The following TRAIP variants were observed in gnomAD, a reference collection of about 807,000 sequenced individuals.
The protein encoded by TRAIP is TRAF interacting protein.
In TRAIP, 37 loss-of-function variants were observed where a neutral mutation model predicts 65.0. The observed-to-expected ratio is 0.57, with a 90% CI of 0.44 to 0.75. The LOEUF (loss-of-function observed/expected upper bound fraction) is 0.75, where lower values mean the gene tolerates loss of function less well. Among genes scored for constraint, TRAIP ranks in the 30% least tolerant of loss-of-function variants. TRAIP has a pLI of 0.00. For missense variants in TRAIP, 481 were observed against 579.4 expected, an observed-to-expected ratio of 0.83 and a Z score of 1.74; for synonymous variants, 187 against 219.1, an observed-to-expected ratio of 0.85 and a Z score of 1.29.
At chr3:49,829,798 G>A (rs2081716594) in intron 12 of TRAIP, 32 bp from the exon 13 acceptor site, 1 of 1,612,756 alleles carries the variant, frequency 6.2e-7, no homozygotes, top group Non-Finnish European at 8.5e-7. Flanking sequence ...CAGACTTGAT[G>A]AGCTGGATGT....
chr3:49,848,803 T>C (rs1326478805), intron 1 of TRAIP, among the ~76,000 whole-genome samples: 1 of 152,098 alleles, frequency 6.6e-6, no homozygotes, highest in Non-Finnish European at 1.5e-5. Context: ...TGCATCAAAA[T>C]ATCTCATAAA....
chr3:49,828,833 T>A lies in TRAIP; in HGVS notation c.*270A>T, dbSNP rs139463863. Reference sequence around the variant, plus strand: ...CCAGAAAGAGTCTGACCACATCTGATCATGGCTATAAACAGGAGCCTGGCA... The same window carrying A: ...CCAGAAAGAGTCTGACCACATCTGAACATGGCTATAAACAGGAGCCTGGCA... On this transcript the variant is annotated 3_prime_UTR_variant, in exon 15 of 15. Transcript: ENST00000331456. 7.8e-4 allele frequency: 344 copies of A among 440,328 alleles called. 1 individual carries two copies. The East Asian group carries it at 0.014, about 18-fold the overall frequency. The allele number at this position is 440,328 out of a possible 1,614,324, so 27.3% of individuals were successfully genotyped here. A position where few individuals can be genotyped will look rare whatever the true frequency, so the allele number is the denominator to read the frequency against.
At chr3:49,829,581 G>C in intron 13 of TRAIP, 36 bp downstream of exon 13, 1 of 1,614,150 alleles carries the variant, frequency 6.2e-7, no homozygotes, top group Non-Finnish European at 8.5e-7. Context: ...CTACCCAAGA[G>C]GGCTGGCTCC....
chr3:49,842,329 A>T, intron 6 of TRAIP, 124 bp downstream of exon 6: 2 of 925,416 alleles, frequency 2.2e-6, no homozygotes, highest in Non-Finnish European at 3.4e-6. Context: ...TGAGCCCTCC[A>T]TGGCCTATGG....
chr3:49,836,859 A>G (rs934750200), intron 10 of TRAIP, among the ~76,000 whole-genome samples: 1 of 152,066 alleles, frequency 6.6e-6, no homozygotes, highest in Admixed American at 6.6e-5. Flanking sequence ...AGATTTCCAA[A>G]GTGGTTGCTT....
chr3:49,829,758 C>G lies in TRAIP; in HGVS notation c.1095G>C (p.Gln365His), dbSNP rs1559444277. Residue 365 changes from glutamine (Q) to histidine (H), a missense_variant, in exon 13 of 15, where the codon CAG (glutamine) becomes CAC (histidine). Physicochemically the swap from Gln to His is conservative, Grantham distance 24. Coordinates refer to ENST00000331456, the MANE Select transcript of TRAIP (RefSeq NM_005879.3). ...CACAGCTCTGGCCACCCAGTGAGAG[C>G]TGGGACTCCTGCAGGGAAGACCCCA... ...KICKGPRKES[Q>H]LSLGGQSCAG... The G allele has an allele frequency of 1.2e-6, 2 of 1,614,094 alleles. No homozygotes were observed. Among genetic ancestry groups the G allele is most frequent in the Non-Finnish European group, 1.7e-6 (2 of 1,179,976 alleles).
chr3:49,839,987 A>T (rs2081824811), intron 9 of TRAIP, 127 bp from the exon 10 acceptor site: 1 of 961,742 alleles, frequency 1.0e-6, no homozygotes, highest in African/African-American at 1.6e-5. Context: ...CTGATACCTC[A>T]TCATTAGGCT....
chr3:49,845,145 C>G (rs9809553), intron 3 of TRAIP, among the ~76,000 whole-genome samples: 1,577 of 152,288 alleles, frequency 0.01, 29 homozygotes, highest in African/African-American at 0.036. Context: ...CTGGATGAAA[C>G]CTCCCATGTG....
chr3:49,854,529 T>C lies in TRAIP; in HGVS notation c.98+1827A>G, dbSNP rs142259589. ...TAACCACTTATAAATGGAAATGGGG[T>C]ATATAACGACCCAACTAACTGAGGG... On this transcript the variant is annotated intron_variant, in intron 1 of 14. Coordinates refer to ENST00000331456, the MANE Select transcript of TRAIP (RefSeq NM_005879.3). Among the ~76,000 whole-genome samples, 93 of 152,076 alleles carry C rather than the reference T, an allele frequency of 6.1e-4. 2 individuals carry two copies. The East Asian group carries it at 0.014, about 22-fold the overall frequency.
chr3:49,850,561 A>G (rs2081921612), intron 1 of TRAIP, among the ~76,000 whole-genome samples: 1 of 151,754 alleles, frequency 6.6e-6, no homozygotes, highest in Non-Finnish European at 1.5e-5. Context: ...AGCTATCTTA[A>G]TATGGGGAGG....
rs866819193 is a variant in TRAIP, at chr3:49,847,678, A to G, written c.157-70T>C. The G allele has an allele frequency of 9.1e-6, 10 of 1,103,242 alleles. No homozygotes were observed. The Middle Eastern group carries it at 6.1e-4, about 67-fold the overall frequency. 68.3% of individuals were successfully genotyped at this position (1,103,242 alleles called of 1,614,324 possible). ...ATGCGCAAGGAGGAGAGTGTTGTAC[A>G]TGGGTCTGACTACCTGCCTGACATG... On this transcript the variant is annotated intron_variant, in intron 2 of 14. Coordinates refer to ENST00000331456, the MANE Select transcript of TRAIP (RefSeq NM_005879.3).
intron 10 of TRAIP, 44 bp from the exon 11 acceptor site, chr3:49,832,112 C>T: frequency 1.3e-6 from 2 of 1,510,774 alleles, no homozygotes; most frequent in Non-Finnish European, 1.8e-6. Context: ...ACAGTGGTAA[C>T]CCAGGACAAC....
At chr3:49,850,978 T>G (rs1024242822) in intron 1 of TRAIP, among the ~76,000 whole-genome samples, 1 of 151,730 alleles carries the variant, frequency 6.6e-6, no homozygotes, top group African/African-American at 2.4e-5. Context: ...TTCTTTTTTT[T>G]TTTTGGTGGG....
In TRAIP at chr3:49,831,945, G is replaced by A. The variant is rs1489171133; in HGVS notation, c.1008C>T (p.Tyr336=). 11 of 1,595,376 alleles carry A rather than the reference G, an allele frequency of 6.9e-6. No individual in the cohort carries two copies. Among genetic ancestry groups the A allele is most frequent in the Non-Finnish European group, 8.5e-6 (10 of 1,171,056 alleles). The change falls in exon 11 of 15, where the codon TAC becomes TAT. Residue 336 remains tyrosine (Y), a synonymous_variant. Coordinates refer to ENST00000331456, the MANE Select transcript of TRAIP (RefSeq NM_005879.3). ...ACTTCTCTAGGCAAAGTTTTTCGTAGTAACCATGCTGGGAGCTGGAGGGCC... is the reference window on the plus strand; with the variant it reads ...ACTTCTCTAGGCAAAGTTTTTCGTAATAACCATGCTGGGAGCTGGAGGGCC... ...PARPSSSQHG[Y]YEKLCLEKSH...
At chr3:49,838,840 C>G (rs542190272) in intron 10 of TRAIP, among the ~76,000 whole-genome samples, 2 of 141,232 alleles carry the variant, frequency 1.4e-5, no homozygotes, top group Non-Finnish European at 3.1e-5. Context: ...GAGCCGAGAT[C>G]GCACCACTGT....
Position 49,847,628 on chromosome 3 carries a change from AAG to A in TRAIP, c.157-22_157-21del. On this transcript the variant is annotated intron_variant, in intron 2 of 14. Transcript: ENST00000331456. The stretch of plus-strand genomic sequence containing the variant: ...GCCAACCTGGATGGGAGAACAAGGT[AAG>A]AGTATGATTGTGTAGCTGGGTCATG... 1 of 1,580,922 alleles carries A rather than the reference AAG, an allele frequency of 6.3e-7. No homozygotes were observed. The highest frequency in any genetic ancestry group is 8.7e-7 in the Non-Finnish European group (1 of 1,154,858).
intron 1 of TRAIP, among the ~76,000 whole-genome samples, chr3:49,849,733 G>A (rs2081914938): frequency 6.6e-6 from 1 of 151,744 alleles, no homozygotes; most frequent in African/African-American, 2.4e-5. Context: ...TCTCCTACTA[G>A]TAGACTCCCC....
intron 1 of TRAIP, among the ~76,000 whole-genome samples, chr3:49,852,978 C>T (rs1009515408): frequency 1.4e-5 from 2 of 146,532 alleles, no homozygotes; most frequent in South Asian, 4.4e-4. Context: ...AAAATTTAGC[C>T]GGGCATGATG....
intron 11 of TRAIP, among the ~76,000 whole-genome samples, chr3:49,830,849 T>C (rs1235640043): frequency 6.6e-6 from 1 of 152,148 alleles, no homozygotes; most frequent in Non-Finnish European, 1.5e-5. Context: ...TAACGGCCTG[T>C]GGTAAGGCTA....
Sources: allele counts gnomAD v4.1 joint callset (sites outside exome capture counted in the v4.1 genomes callset), GRCh38; gene constraint gnomAD v4.1.1; transcripts MANE v1.5; gene names NCBI Gene and HGNC (gene_info 2026-07-23, HGNC 2026-07-21).